INTS8: variants seen among roughly 807,000 people sequenced by gnomAD.
The protein encoded by INTS8 is protein kaonashi-1.
Under a neutral mutation model 138.9 loss-of-function variants are expected in INTS8, and 47 were observed. The observed-to-expected ratio is 0.34, with a 90% CI of 0.27 to 0.43. INTS8 has a LOEUF of 0.43. INTS8 is among the 20% of genes least tolerant of loss of function. INTS8 has a pLI of 1.00. For synonymous variants in INTS8, 392 were observed against 400.9 expected (o/e 0.98, Z 0.27); for missense variants, 996 against 1,173.0 (o/e 0.85, Z 2.20).
rs151102552 is a variant in INTS8 at position 94,824,972 on chromosome 8, A to G, written c.210A>G (p.Gln70=). ...CAGTTAATGAACAAAACCAAGTTCA[A>G]CCTCCGCCTGATAACAAGAGAAATC... The part of the protein sequence containing the change: ...KPSVNEQNQV[Q]PPPDNKRNRI... Residue 70 remains glutamine (Q), a synonymous_variant, in exon 2 of 27, where the codon CAA becomes CAG. Transcript: ENST00000523731. 1.6e-4 allele frequency: 253 copies of G among 1,612,690 alleles called. No homozygotes were observed. The highest frequency in any genetic ancestry group is 2.0e-4 in the Non-Finnish European group (237 of 1,178,984).
chr8:94,843,289 T>C (rs1451973787), intron 10 of INTS8, among the ~76,000 whole-genome samples: 1 of 152,146 alleles, frequency 6.6e-6, no homozygotes, highest in African/African-American at 2.4e-5. Flanking sequence ...TGTTAGAGCC[T>C]GGGTGCAGTG....
At chr8:94,826,682 TG>T (rs1814517116) in intron 2 of INTS8, among the ~76,000 whole-genome samples, 1 of 152,166 alleles carries the variant, frequency 6.6e-6, no homozygotes, top group African/African-American at 2.4e-5. Context: ...ATTTGGGAAG[TG>T]GGGAAGAATA....
chr8:94,847,147 C>T (rs375367701), intron 10 of INTS8, among the ~76,000 whole-genome samples: 2 of 152,122 alleles, frequency 1.3e-5, no homozygotes, highest in South Asian at 4.1e-4. Flanking sequence ...TCAAGTGATT[C>T]TCCTGCCTCA....
At chr8:94,867,238 T>G (rs1816211566) in intron 19 of INTS8, 38 bp from the exon 20 acceptor site, 1 of 1,600,702 alleles carries the variant, frequency 6.2e-7, no homozygotes, top group Non-Finnish European at 8.5e-7. Context: ...TTAAAAGAAA[T>G]TTCTTTGTAA....
rs111449254 is a variant in INTS8 at position 94,869,866 on chromosome 8, G to A, written c.2415-2018G>A. Among the ~76,000 whole-genome samples the A allele has an allele frequency of 6.9e-3, 1,050 of 152,180 alleles. 4 individuals are homozygous for A. Among genetic ancestry groups the A allele is most frequent in the African/African-American group, 0.024 (996 of 41,510 alleles). ...TAGACTGTAATGATTGGTTTCCAGC[G>A]TGTTTGTAAATGAGGCAAAAGAATT... is the stretch of plus-strand genomic sequence containing the variant. On this transcript the variant is annotated intron_variant, in intron 20 of 26. Transcript: ENST00000523731.
intron 1 of INTS8, 49 bp from the exon 2 acceptor site, chr8:94,824,844 T>C: frequency 1.0e-6 from 1 of 963,696 alleles, no homozygotes; most frequent in Non-Finnish European, 1.4e-6. Context: ...CTTTTGTATC[T>C]ACATAATTAA....
At chr8:94,859,912 T>G (rs1245143923) in intron 16 of INTS8, 1 of 309,572 alleles carries the variant, frequency 3.2e-6, no homozygotes, top group Non-Finnish European at 6.2e-6. Flanking sequence ...AGATTCGCTT[T>G]CTTTGCTTTG....
chr8:94,846,463 G>A (rs1446839489), intron 10 of INTS8, among the ~76,000 whole-genome samples: 1 of 152,076 alleles, frequency 6.6e-6, no homozygotes, highest in Non-Finnish European at 1.5e-5. Context: ...TCGTAGAGAT[G>A]GGGTTTCTCC....
intron 4 of INTS8, among the ~76,000 whole-genome samples, chr8:94,828,124 C>T (rs916940675): frequency 6.6e-6 from 1 of 151,582 alleles, no homozygotes; most frequent in African/African-American, 2.4e-5. Context: ...ACTGCAGCCT[C>T]CACCTCCTGG....
In INTS8 at chr8:94,876,630, CCTT is replaced by C. The variant is rs1157843228; in HGVS notation, c.2871+142_2871+144del. 11 of 533,984 alleles carry C rather than the reference CCTT, an allele frequency of 2.1e-5. No individual in the cohort carries two copies. The East Asian group carries it at 3.4e-4, about 17-fold the overall frequency. 33.1% of individuals were successfully genotyped at this position (533,984 alleles called of 1,614,324 possible). On this transcript the variant is annotated intron_variant, in intron 26 of 26. Transcript: ENST00000523731. ...TATCAGTGTTTACTTTATAAAAGAT[CCTT>C]TTTTGATAATTTTAACTGTTCCATG...
chr8:94,881,729 A>G lies in INTS8; in HGVS notation c.*1495A>G, dbSNP rs747525082. The G allele has an allele frequency of 1.9e-6, 3 of 1,613,802 alleles. No homozygotes were observed. The East Asian group carries it at 6.7e-5, about 36-fold the overall frequency. On this transcript the variant is annotated 3_prime_UTR_variant, in exon 27 of 27. Coordinates refer to ENST00000523731, the MANE Select transcript of INTS8 (RefSeq NM_017864.4). Reference sequence around the variant, plus strand: ...CTGTCCCCCTTTTCTGAAGGTGTTTATGTAATTTACTTCCTCCTATACATG... The same window carrying G: ...CTGTCCCCCTTTTCTGAAGGTGTTTGTGTAATTTACTTCCTCCTATACATG...
At chr8:94,829,111 G>T in intron 5 of INTS8, 85 bp downstream of exon 5, 1 of 994,132 alleles carries the variant, frequency 1.0e-6, no homozygotes, top group South Asian at 1.4e-5. Flanking sequence ...CCAGGGACTG[G>T]TTTTGTGGAA....
chr8:94,840,748 G>A (rs1815104581), intron 8 of INTS8, among the ~76,000 whole-genome samples: 1 of 151,702 alleles, frequency 6.6e-6, no homozygotes, highest in South Asian at 2.1e-4. Flanking sequence ...TAGTAGAGAC[G>A]GGATTTCACT....
chr8:94,854,090 C>A (rs188390793), intron 14 of INTS8, among the ~76,000 whole-genome samples, 175 bp downstream of exon 14: 2 of 151,680 alleles, frequency 1.3e-5, no homozygotes, highest in African/African-American at 4.8e-5. Flanking sequence ...CAAAAATTAG[C>A]CGGGTGACTA....
Position 94,859,558 on chromosome 8 carries a change from T to G in INTS8, c.2002T>G (p.Leu668Val), listed in dbSNP as rs1212796724. The G allele has an allele frequency of 1.9e-6, 3 of 1,613,306 alleles. No individual in the cohort carries two copies. The highest frequency in any genetic ancestry group is 2.5e-6 in the Non-Finnish European group (3 of 1,179,288). ...AGCTGAGGAATGTGTTGCCTTTATG[T>G]TAAACTGGAGAGAAAATGAATACCT... ...VIAEECVAFM[L>V]NWRENEYLTL... The change falls in exon 16 of 27, where the codon TTA (leucine) becomes GTA (valine). Residue 668 changes from leucine to valine, a missense_variant. Transcript: ENST00000523731.
chr8:94,823,659 G>A (rs1814366404), intron 1 of INTS8, 98 bp downstream of exon 1: 2 of 1,008,922 alleles, frequency 2.0e-6, no homozygotes, highest in Non-Finnish European at 2.8e-6. Flanking sequence ...CCGAAGCTGC[G>A]GCCTGGGAGG....
In INTS8 at chr8:94,871,933, G is replaced by C; in HGVS notation, c.2464G>C (p.Val822Leu). The part of the protein sequence containing the change: ...EAVAITVKEL[V>L]RYTLSINPNN... Reference sequence around the variant, plus strand: ...TGTGGCAATCACAGTGAAAGAGCTAGTTCGATATACACTCAGTATAAATCC... The same window carrying C: ...TGTGGCAATCACAGTGAAAGAGCTACTTCGATATACACTCAGTATAAATCC... Residue 822 changes from valine (V) to leucine (L), a missense_variant, in exon 21 of 27, where the codon GTT becomes CTT. Val to Leu is a conservative substitution (Grantham distance 32). Transcript: ENST00000523731. 6.2e-7 allele frequency: 1 copy of C among 1,610,556 alleles called. No homozygotes were observed. Among genetic ancestry groups the C allele is most frequent in the South Asian group, 1.1e-5 (1 of 90,842 alleles).
intron 10 of INTS8, among the ~76,000 whole-genome samples, chr8:94,843,271 C>G (rs1057326839): frequency 6.6e-6 from 1 of 151,912 alleles, no homozygotes; most frequent in Non-Finnish European, 1.5e-5. Context: ...TTTTTCATTG[C>G]TTTAAGGTGT....
rs149433540 is a variant in INTS8 at position 94,851,705 on chromosome 8, A to G, written c.1641+19A>G. ...TAATAAGGTAAACCCTATGTCAAGA[A>G]CAGATAAGAAAATTGCCCTTGTTTT... is the stretch of plus-strand genomic sequence containing the variant. On this transcript the variant is annotated intron_variant, in intron 13 of 26. Transcript: ENST00000523731. The G allele has an allele frequency of 1.7e-4, 257 of 1,555,848 alleles. 2 individuals are homozygous for G. In the East Asian group the frequency reaches 5.9e-3, roughly 36 times the overall value.
Sources: gnomAD v4.1 joint callset for allele counts (sites outside exome capture counted in the v4.1 genomes callset) on GRCh38, gnomAD v4.1.1 for gene constraint, MANE v1.5 for transcripts, NCBI Gene and HGNC (gene_info 2026-07-23, HGNC 2026-07-21) for gene names.